The following UBP1 variants were observed in gnomAD, a reference collection of about 807,000 sequenced individuals.
UBP1 encodes the protein upstream-binding protein 1.
A neutral mutation model predicts 76.1 loss-of-function variants in UBP1; 22 were observed. That is an observed-to-expected ratio of 0.29 (90% confidence interval 0.21 to 0.41). UBP1 has a LOEUF of 0.41. UBP1 is among the 10% of genes least tolerant of loss of function. The probability of loss-of-function intolerance (pLI) is 1.00; values close to 1 mark genes in which losing one functional copy is unlikely to be tolerated. For missense variants in UBP1, 436 were observed against 668.1 expected, an observed-to-expected ratio of 0.65 and a Z score of 3.83; for synonymous variants, 224 against 237.1, an observed-to-expected ratio of 0.94 and a Z score of 0.51.
chr3:33,416,920 A>G, intron 2 of UBP1, 86 bp from the exon 3 acceptor site: 1 of 1,103,596 alleles, frequency 9.1e-7, no homozygotes, highest in Non-Finnish European at 1.4e-6. Flanking sequence ...GTTTCTCAGA[A>G]CATACATTAC....
At chr3:33,439,678 G>A (rs970463968) in intron 1 of UBP1, 58 bp downstream of exon 1, 11 of 1,573,044 alleles carry the variant, frequency 7.0e-6, no homozygotes, top group African/African-American at 6.8e-5. Flanking sequence ...GAGACTCAGG[G>A]CTGCGCAGGC....
intron 2 of UBP1, among the ~76,000 whole-genome samples, chr3:33,423,883 T>C (rs2044962121): frequency 6.6e-6 from 1 of 152,234 alleles, no homozygotes; most frequent in South Asian, 2.1e-4. Context: ...TGGTGGATTA[T>C]GACTTTTATC....
intron 1 of UBP1, among the ~76,000 whole-genome samples, chr3:33,429,685 T>G (rs997064167): frequency 3.3e-5 from 5 of 152,216 alleles, no homozygotes; most frequent in African/African-American, 1.2e-4. Flanking sequence ...TAAATTTTAA[T>G]GTAGCTTAGC....
At chr3:33,424,491 G>T (rs897371287) in intron 2 of UBP1, among the ~76,000 whole-genome samples, 7 of 152,078 alleles carry the variant, frequency 4.6e-5, no homozygotes, top group Non-Finnish European at 1.0e-4. Flanking sequence ...CTAATTTTTT[G>T]AAAGAAAATG....
At chr3:33,396,809 ATG>A (rs1474337494) in intron 12 of UBP1, 1 of 662,372 alleles carries the variant, frequency 1.5e-6, no homozygotes, top group Admixed American at 2.1e-5. Context: ...AGTACTGCCC[ATG>A]TGCATTTCTA....
At chr3:33,395,396 G>A (rs1344464443) in intron 13 of UBP1, among the ~76,000 whole-genome samples, 1 of 151,712 alleles carries the variant, frequency 6.6e-6, no homozygotes, top group African/African-American at 2.4e-5. Flanking sequence ...AGAAGGAAAT[G>A]TTACCATATA....
chr3:33,428,624 T>G (rs1463431930), intron 1 of UBP1, among the ~76,000 whole-genome samples: 2 of 152,110 alleles, frequency 1.3e-5, no homozygotes, highest in Non-Finnish European at 2.9e-5. Context: ...AACAAACATA[T>G]AAACATGTAA....
chr3:33,414,836 G>A (rs1199422860), intron 3 of UBP1, among the ~76,000 whole-genome samples: 1 of 151,998 alleles, frequency 6.6e-6, no homozygotes, highest in Admixed American at 6.6e-5. Context: ...TTCAATCAGT[G>A]GGCTAAATAT....
chr3:33,412,929 A>G, intron 3 of UBP1, 102 bp from the exon 4 acceptor site: 1 of 722,460 alleles, frequency 1.4e-6, no homozygotes, highest in South Asian at 1.8e-5. Flanking sequence ...TAGAACACAT[A>G]CAACTAGATT....
chr3:33,396,381 G>T, intron 12 of UBP1, 101 bp from the exon 13 acceptor site: 1 of 867,986 alleles, frequency 1.2e-6, no homozygotes, highest in Non-Finnish European at 1.8e-6. Flanking sequence ...TTCCTTATGA[G>T]AACTTTATAA....
Position 33,425,752 on chromosome 3 carries a change from A to G in UBP1, c.114-11T>C. 6.4e-7 allele frequency: 1 copy of G among 1,569,368 alleles called. No homozygotes were observed. Among genetic ancestry groups the G allele is most frequent in the East Asian group, 2.3e-5 (1 of 44,052 alleles). ...AATGCCAAGACATCACTGAAAAGCA[A>G]AAAATCAACACTGACCTTACTTTGG... On this transcript the variant is annotated splice_polypyrimidine_tract_variant and intron_variant, in intron 1 of 15. Coordinates refer to ENST00000283629, the MANE Select transcript of UBP1 (RefSeq NM_014517.5).
At chr3:33,396,071 A>G in intron 13 of UBP1, 91 bp downstream of exon 13, 2 of 1,206,420 alleles carry the variant, frequency 1.7e-6, no homozygotes, top group Non-Finnish European at 2.3e-6. Context: ...CTAACACAGC[A>G]AGAGTTCTCC....
chr3:33,436,383 C>T (rs903334851), intron 1 of UBP1, among the ~76,000 whole-genome samples: 2 of 152,190 alleles, frequency 1.3e-5, no homozygotes, highest in African/African-American at 2.4e-5. Context: ...GGAAATCTGT[C>T]ATTAGCTCAA....
chr3:33,390,113 G>A lies in UBP1; in HGVS notation c.*218C>T, dbSNP rs139688638. 36 of 535,764 alleles carry A rather than the reference G, an allele frequency of 6.7e-5. No homozygotes were observed. The highest frequency in any genetic ancestry group is 5.1e-4 in the Middle Eastern group (1 of 1,950). The allele number at this position is 535,764 out of a possible 1,614,324, so 33.2% of individuals were successfully genotyped here. On this transcript the variant is annotated 3_prime_UTR_variant, in exon 16 of 16. Transcript: ENST00000283629. ...CCGTGGCCTCCAGAGCTGGATGCATGCTGTGCCGATGTGCTCACTCTCATG... is the reference window on the plus strand; with the variant it reads ...CCGTGGCCTCCAGAGCTGGATGCATACTGTGCCGATGTGCTCACTCTCATG...
chr3:33,405,988 C>T (rs932566288), intron 8 of UBP1, among the ~76,000 whole-genome samples: 4 of 152,192 alleles, frequency 2.6e-5, no homozygotes, highest in Non-Finnish European at 4.4e-5. Context: ...AGACTTATTA[C>T]TTCTATTATC....
rs192710917 is a variant in UBP1, at chr3:33,419,324, G to A, written c.266-2490C>T. Among the ~76,000 whole-genome samples, 163 of 152,056 alleles carry A rather than the reference G, an allele frequency of 1.1e-3. 1 individual carries two copies. The highest frequency in any genetic ancestry group is 3.4e-3 in the African/African-American group (140 of 41,494). On this transcript the variant is annotated intron_variant, in intron 2 of 15. Transcript: ENST00000283629. ...AGCCTGACCAACATGGTGAAACCCC[G>A]TCTCTACTAAAAATACAAAATTAGG... is the stretch of plus-strand genomic sequence containing the variant.
At chr3:33,434,432 C>T (rs754861196) in intron 1 of UBP1, among the ~76,000 whole-genome samples, 29 of 150,068 alleles carry the variant, frequency 1.9e-4, no homozygotes, top group South Asian at 1.1e-3. Flanking sequence ...CCAGTAGCTG[C>T]GATTACACGC....
intron 8 of UBP1, among the ~76,000 whole-genome samples, chr3:33,404,961 A>G (rs553981253): frequency 6.6e-6 from 1 of 152,332 alleles, no homozygotes; most frequent in South Asian, 2.1e-4. Flanking sequence ...CTATTTTTAC[A>G]TGTAATAAAT....
At chr3:33,411,929 G>A (rs369698600) in intron 4 of UBP1, among the ~76,000 whole-genome samples, 11 of 152,078 alleles carry the variant, frequency 7.2e-5, no homozygotes, top group Middle Eastern at 3.4e-3. Context: ...GGTGGCTCAC[G>A]TAATCCCAGC....
Sources: allele counts gnomAD v4.1 joint callset (sites outside exome capture counted in the v4.1 genomes callset), GRCh38; gene constraint gnomAD v4.1.1; transcripts MANE v1.5; gene names NCBI Gene and HGNC (gene_info 2026-07-23, HGNC 2026-07-21).